The following LGALS8 variants were observed in gnomAD, a reference collection of about 807,000 sequenced individuals.
LGALS8 encodes the protein galectin-8.
LGALS8 carries 30 observed loss-of-function variants against 35.9 expected under a neutral mutation model. That is an observed-to-expected ratio of 0.83 (90% CI 0.62 to 1.13). The LOEUF is 1.13. Ranked by LOEUF, LGALS8 falls within the 50% of genes most tolerant of loss-of-function variation. The pLI, the probability that LGALS8 is intolerant of heterozygous loss-of-function variation, is 0.00. For synonymous variants in LGALS8, 138 were observed against 136.1 expected (o/e 1.01, Z -0.10); for missense variants, 366 against 388.7 (o/e 0.94, Z 0.49).
chr1:236,542,503 A>G (rs1662066240), intron 6 of LGALS8: 2 of 536,546 alleles, frequency 3.7e-6, no homozygotes, highest in Admixed American at 3.3e-5. Context: ...ATATAGTTCT[A>G]TGAAAAATTA....
intron 7 of LGALS8, 54 bp downstream of exon 7, chr1:236,542,841 G>A: frequency 3.1e-6 from 5 of 1,614,034 alleles, no homozygotes; most frequent in Non-Finnish European, 4.2e-6. Context: ...AAGTTGCATA[G>A]AAAATGAACA....
intron 2 of LGALS8, among the ~76,000 whole-genome samples, chr1:236,528,546 A>ATTTTTTTTTTTTTTTTTTTTTTT (rs61261486): frequency 1.9e-5 from 2 of 104,240 alleles, no homozygotes; most frequent in African/African-American, 3.7e-5. Flanking sequence ...AATGTTTCCA[A>ATTTTTTTTTTTTTTTTTTTTTTT]TTTTTTTTTT....
Position 236,548,615 on chromosome 1 carries a change from T to C in LGALS8, c.*454T>C, listed in dbSNP as rs1346772145. The C allele has an allele frequency of 3.4e-6, 1 of 291,166 alleles. No individual in the cohort carries two copies. The highest frequency in any genetic ancestry group is 6.3e-6 in the Non-Finnish European group (1 of 158,372). 18.0% of individuals were successfully genotyped at this position (291,166 alleles called of 1,614,324 possible). ...TGCGCACTGCTTTTTCTACAGGCAT[T>C]ACATCAACTCCTAAGGGGTCCTCTG... On this transcript the variant is annotated 3_prime_UTR_variant, in exon 10 of 10. Transcript: ENST00000366584.
Position 236,550,812 on chromosome 1 carries a change from C to A in LGALS8, c.*2651C>A. The A allele has an allele frequency of 4.0e-6, 4 of 991,294 alleles. No individual in the cohort carries two copies. The highest frequency in any genetic ancestry group is 6.0e-6 in the Non-Finnish European group (4 of 662,206). The allele number at this position is 991,294 out of a possible 1,614,324, so 61.4% of individuals were successfully genotyped here. On this transcript the variant is annotated 3_prime_UTR_variant, in exon 10 of 10. Transcript: ENST00000366584. ...TAATCCAAGTAGGTGTATTAAGGCA[C>A]CAAAAGTAACATGGCACCCAACACC...
At chr1:236,522,700 T>C (rs547970011), upstream of LGALS8, among the ~76,000 whole-genome samples, 1 of 152,358 alleles carries the variant, frequency 6.6e-6, no homozygotes, top group South Asian at 2.1e-4. Context: ...GTTCCTTTTC[T>C]CAAACTACAG....
intron 1 of LGALS8, chr1:236,524,561 T>C (rs890395217): frequency 2.6e-4 from 101 of 387,044 alleles, no homozygotes; most frequent in Non-Finnish European, 3.2e-5. Flanking sequence ...GTGTTAAACA[T>C]TGCAAAGCGC....
rs761453323 is a variant in LGALS8, at chr1:236,548,129, G to A, written c.922G>A (p.Asp308Asn). Residue 308 changes from aspartate to asparagine, a missense_variant, in exon 10 of 10, where the codon GAC becomes AAC. Coordinates refer to ENST00000366584, the MANE Select transcript of LGALS8 (RefSeq NM_201544.4). The stretch of plus-strand genomic sequence containing the variant: ...TATTGACACGCTGGAAATTAATGGA[G>A]ACATCCACTTACTGGAAGTAAGGAG... ...SSIDTLEINGDIHLLEVRSW is the reference protein window; with the variant it reads ...SSIDTLEINGNIHLLEVRSW 2 of 1,613,970 alleles carry A rather than the reference G, an allele frequency of 1.2e-6. No individual in the cohort carries two copies. Among genetic ancestry groups the A allele is most frequent in the South Asian group, 1.1e-5 (1 of 91,040 alleles).
Position 236,548,955 on chromosome 1 carries a change from CAG to C in LGALS8, c.*797_*798del, listed in dbSNP as rs976395878. ...CTGTGTATTTGAACTTAGGGCAAAT[CAG>C]AGTCTACACAGACGCCTACAGAAAG... is the stretch of plus-strand genomic sequence containing the variant. On this transcript the variant is annotated 3_prime_UTR_variant, in exon 10 of 10. Coordinates refer to ENST00000366584, the MANE Select transcript of LGALS8 (RefSeq NM_201544.4). 4 of 398,480 alleles carry C rather than the reference CAG, an allele frequency of 1.0e-5. No individual in the cohort carries two copies. The highest frequency in any genetic ancestry group is 2.1e-5 in the African/African-American group (1 of 48,628). The allele number at this position is 398,480 out of a possible 1,614,324, so 24.7% of individuals were successfully genotyped here.
chr1:236,520,225 G>C (rs1970624), upstream of LGALS8, among the ~76,000 whole-genome samples: 4,299 of 151,948 alleles, frequency 0.028, 107 homozygotes, highest in Middle Eastern at 0.088. Flanking sequence ...CCAAAGTGCT[G>C]GGATTACAGG....
intron 7 of LGALS8, chr1:236,543,163 TGGAC>T: frequency 3.4e-6 from 3 of 887,848 alleles, no homozygotes; most frequent in Non-Finnish European, 5.4e-6. Flanking sequence ...GTGCCGTCCC[TGGAC>T]GGATTCGAGA....
At position 236,526,348 on chromosome 1, in the gene LGALS8, G is replaced by A. The variant is rs796950869; in HGVS notation, c.45+233G>A. ...TGAAACAGTGTTATGAACAGGGAAC[G>A]TCTGGGTAGAGTGGAGGGAATGCCA... On this transcript the variant is annotated intron_variant, in intron 2 of 9. Transcript: ENST00000366584. This position sits in a 1 kb window ranked among gnomAD's most constrained non-coding sequence, Gnocchi z 4.6. The A allele has an allele frequency of 5.2e-5, 19 of 366,226 alleles. No individual in the cohort carries two copies. Among genetic ancestry groups the A allele is most frequent in the African/African-American group, 3.3e-4 (16 of 48,658 alleles). The allele number at this position is 366,226 out of a possible 1,614,324, so 22.7% of individuals were successfully genotyped here. A position where few individuals can be genotyped will look rare whatever the true frequency, so the allele number is the denominator to read the frequency against.
In LGALS8 at chr1:236,526,791, C is replaced by G. The variant is rs995493693; in HGVS notation, c.45+676C>G. ...AAGGACAGCCACTTTTTTAGTAAACCGCCTAGAAGATTCTTGGGCAAAAGG... is the reference window on the plus strand; with the variant it reads ...AAGGACAGCCACTTTTTTAGTAAACGGCCTAGAAGATTCTTGGGCAAAAGG... On this transcript the variant is annotated intron_variant, in intron 2 of 9. Transcript: ENST00000366584. The surrounding 1 kb of genome is among the most constrained non-coding windows in gnomAD (Gnocchi z 4.6). 1.3e-5 allele frequency among the ~76,000 whole-genome samples: 2 copies of G among 152,046 alleles called. No individual in the cohort carries two copies. The highest frequency in any genetic ancestry group is 2.9e-5 in the Non-Finnish European group (2 of 68,026).
intron 5 of LGALS8, chr1:236,541,395 C>T (rs1305439269): frequency 1.5e-5 from 5 of 336,290 alleles, no homozygotes; most frequent in Non-Finnish European, 2.7e-5. Context: ...GATACTAACT[C>T]GCCCTTCACA....
rs766714483 is a variant in LGALS8 at position 236,548,108 on chromosome 1, G to C, written c.901G>C (p.Asp301His). The C allele has an allele frequency of 5.6e-6, 9 of 1,613,896 alleles. No individual in the cohort carries two copies. The highest frequency in any genetic ancestry group is 6.8e-6 in the Non-Finnish European group (8 of 1,179,804). Residue 301 changes from aspartate to histidine, a missense_variant, in exon 10 of 10, where the codon GAC (aspartate) becomes CAC (histidine). Physicochemically the swap from Asp to His is moderately conservative, Grantham distance 81. Transcript: ENST00000366584. Reference sequence around the variant, plus strand: ...CAGATTTAAAGAGCTCAGCAGTATTGACACGCTGGAAATTAATGGAGACAT... The same window carrying C: ...CAGATTTAAAGAGCTCAGCAGTATTCACACGCTGGAAATTAATGGAGACAT... ...KHRFKELSSI[D>H]TLEINGDIHL... is the part of the protein sequence containing the mutation.
At chr1:236,521,462 T>C (rs1415240618), upstream of LGALS8, among the ~76,000 whole-genome samples, 2 of 152,070 alleles carry the variant, frequency 1.3e-5, no homozygotes, top group Non-Finnish European at 2.9e-5. Context: ...GAAATCACAG[T>C]GTGTGAGGAT....
At position 236,546,657 on chromosome 1, in the gene LGALS8, A is replaced by G. The variant is rs553118730; in HGVS notation, c.805-1355A>G. Among the ~76,000 whole-genome samples the G allele has an allele frequency of 1.2e-3, 176 of 152,324 alleles. 2 individuals carry two copies. Among genetic ancestry groups the G allele is most frequent in the African/African-American group, 4.0e-3 (167 of 41,580 alleles). On this transcript the variant is annotated intron_variant, in intron 9 of 9. Transcript: ENST00000366584. ...TGCAGTAGTCTGCTCACCCGGAAGC[A>G]TGTCATTTCTTTGCCACTTGCTTGT...
At chr1:236,541,410 T>C in intron 5 of LGALS8, 1 of 374,392 alleles carries the variant, frequency 2.7e-6, no homozygotes, top group Non-Finnish European at 4.8e-6. Context: ...TTCACAAGGG[T>C]AAAAACAGTT....
upstream of LGALS8, among the ~76,000 whole-genome samples, chr1:236,519,962 T>C (rs1421136311): frequency 6.7e-6 from 1 of 148,910 alleles, no homozygotes; most frequent in African/African-American, 2.5e-5. Flanking sequence ...TTTTTTTTTT[T>C]TTTTTTTTTT....
At chr1:236,529,798 A>G (rs984961106) in intron 2 of LGALS8, among the ~76,000 whole-genome samples, 1 of 150,474 alleles carries the variant, frequency 6.6e-6, no homozygotes, top group South Asian at 2.2e-4. Context: ...ACAGGCGCAC[A>G]CCGCCACGCC....
Sources: allele counts gnomAD v4.1 joint callset (sites outside exome capture counted in the v4.1 genomes callset), GRCh38; gene constraint gnomAD v4.1.1; non-coding constraint Gnocchi (gnomAD v3.1); transcripts MANE v1.5; gene names NCBI Gene and HGNC (gene_info 2026-07-23, HGNC 2026-07-21).